The following RNLS variants were observed in gnomAD, a reference collection of about 807,000 sequenced individuals.
RNLS encodes renalase, FAD dependent amine oxidase, also known as renalase.
In RNLS, 39 loss-of-function variants were observed where a neutral mutation model predicts 39.8. That is an observed-to-expected ratio of 0.98 (90% confidence interval 0.76 to 1.28). RNLS has a LOEUF of 1.28. Ranked by LOEUF, RNLS falls within the 50% of genes most tolerant of loss-of-function variation. RNLS has a pLI of 0.00. For synonymous variants in RNLS, 147 were observed against 150.7 expected (o/e 0.98, Z 0.18); for missense variants, 410 against 413.3 (o/e 0.99, Z 0.07).
intron 4 of RNLS, among the ~76,000 whole-genome samples, chr10:88,492,281 T>G (rs1844930045): frequency 6.6e-6 from 1 of 152,078 alleles, no homozygotes; most frequent in African/African-American, 2.4e-5. Context: ...TGGGGTAGCA[T>G]TTAGTCCTCT....
At chr10:88,417,160 G>C (rs1854080667) in intron 4 of RNLS, among the ~76,000 whole-genome samples, 1 of 152,122 alleles carries the variant, frequency 6.6e-6, no homozygotes, top group Non-Finnish European at 1.5e-5. Flanking sequence ...TATTCTTCTG[G>C]GAGAAGTTGT....
At chr10:88,534,590 T>C (rs1847634342) in intron 4 of RNLS, among the ~76,000 whole-genome samples, 1 of 152,190 alleles carries the variant, frequency 6.6e-6, no homozygotes, top group African/African-American at 2.4e-5. Context: ...CGTGGATTCC[T>C]CTTGTGTCAA....
At chr10:88,440,156 T>G (rs1341852552) in intron 4 of RNLS, among the ~76,000 whole-genome samples, 1 of 152,212 alleles carries the variant, frequency 6.6e-6, no homozygotes, top group Non-Finnish European at 1.5e-5. Context: ...AACAAACATT[T>G]GTACTCTCAT....
chr10:88,566,377 A>T (rs1216370437), intron 4 of RNLS, among the ~76,000 whole-genome samples: 1 of 152,142 alleles, frequency 6.6e-6, no homozygotes, highest in Non-Finnish European at 1.5e-5. Context: ...TTGCCCCACA[A>T]CACTATTTTT....
chr10:88,437,442 T>A (rs1260221245), intron 4 of RNLS, among the ~76,000 whole-genome samples: 5 of 152,180 alleles, frequency 3.3e-5, no homozygotes. Context: ...TAATAAGAAT[T>A]ATTACAATCA....
intron 4 of RNLS, among the ~76,000 whole-genome samples, chr10:88,378,926 T>C (rs943231279): frequency 6.6e-6 from 1 of 152,180 alleles, no homozygotes; most frequent in African/African-American, 2.4e-5. Flanking sequence ...GTCCCTACAA[T>C]AGTATAGATA....
At chr10:88,258,127 A>G in the RNLS span, among the ~76,000 whole-genome samples, 1 of 152,192 alleles carries the variant, frequency 6.6e-6, no homozygotes, top group Admixed American at 6.5e-5. Flanking sequence ...CTGGGAGAAT[A>G]AAATGCAATA....
At chr10:88,576,005 T>C (rs1041261935) in intron 3 of RNLS, among the ~76,000 whole-genome samples, 1 of 152,202 alleles carries the variant, frequency 6.6e-6, no homozygotes. Context: ...TGAACTCTCA[T>C]CATTCAGCTC....
intron 5 of RNLS, among the ~76,000 whole-genome samples, chr10:88,350,215 CT>C (rs558628829): frequency 0.02 from 2,845 of 141,526 alleles, 32 homozygotes; most frequent in Middle Eastern, 0.045. Context: ...TCATTCAATT[CT>C]TTTTTTTTTT....
the RNLS span, among the ~76,000 whole-genome samples, chr10:88,224,712 T>C: frequency 6.6e-6 from 1 of 152,326 alleles, no homozygotes; most frequent in Non-Finnish European, 1.5e-5. Flanking sequence ...GCATTCTTGA[T>C]TGGGGTTAAT....
At chr10:88,350,790 C>A (rs1022018319) in intron 5 of RNLS, among the ~76,000 whole-genome samples, 13 of 152,168 alleles carry the variant, frequency 8.5e-5, no homozygotes, top group Non-Finnish European at 1.6e-4. Context: ...AGTTCTAGAT[C>A]CCTGAGGAAT....
At chr10:88,519,376 C>T (rs952853588) in intron 4 of RNLS, among the ~76,000 whole-genome samples, 1 of 151,842 alleles carries the variant, frequency 6.6e-6, no homozygotes, top group East Asian at 1.9e-4. Context: ...CTTACATAGG[C>T]ATAATTATCA....
At chr10:88,466,910 T>C (rs1051234931) in intron 4 of RNLS, among the ~76,000 whole-genome samples, 2 of 152,268 alleles carry the variant, frequency 1.3e-5, no homozygotes, top group East Asian at 1.9e-4. Flanking sequence ...AAAAAAACCT[T>C]CTTTTATTTT....
chr10:88,204,834 G>A, the RNLS span, among the ~76,000 whole-genome samples: 5 of 151,796 alleles, frequency 3.3e-5, no homozygotes, highest in African/African-American at 1.2e-4. Flanking sequence ...AAAATGTATT[G>A]AATGCTTCCT....
At chr10:88,188,159 C>G in the RNLS span, among the ~76,000 whole-genome samples, 6 of 152,070 alleles carry the variant, frequency 3.9e-5, no homozygotes, top group African/African-American at 1.4e-4. Context: ...TGGGTTGAAG[C>G]GATTATCCTG....
intron 4 of RNLS, among the ~76,000 whole-genome samples, chr10:88,387,368 G>GA (rs1851925799): frequency 6.6e-6 from 1 of 152,144 alleles, no homozygotes; most frequent in Non-Finnish European, 1.5e-5. Context: ...TTTCCAGCCA[G>GA]AAGGAATAGA....
chr10:88,281,677 C>A (rs954909280), downstream of RNLS, among the ~76,000 whole-genome samples: 6 of 152,084 alleles, frequency 3.9e-5, no homozygotes, highest in African/African-American at 1.4e-4. Flanking sequence ...GCATCACTTT[C>A]GAAAATCAAC....
chr10:88,326,504 T>G (rs756224136), intron 5 of RNLS, among the ~76,000 whole-genome samples: 33 of 152,142 alleles, frequency 2.2e-4, no homozygotes, highest in Admixed American at 3.9e-4. Context: ...TGGAAGAAAT[T>G]TGTAAGCAGC....
At chr10:88,444,211 G>C (rs78320255) in intron 4 of RNLS, among the ~76,000 whole-genome samples, 1 of 152,150 alleles carries the variant, frequency 6.6e-6, no homozygotes, top group Non-Finnish European at 1.5e-5. Flanking sequence ...AGGCAAACAG[G>C]GTCTGGAGTG....
Sources: gnomAD v4.1 joint callset for allele counts (sites outside exome capture counted in the v4.1 genomes callset) on GRCh38, gnomAD v4.1.1 for gene constraint, MANE v1.5 for transcripts, NCBI Gene and HGNC (gene_info 2026-07-23, HGNC 2026-07-21) for gene names.